The following CEP290 variants were observed in gnomAD, a reference collection of about 807,000 sequenced individuals.
CEP290 encodes centrosomal protein 290.
CEP290 carries 317 observed loss-of-function variants against 344.9 expected under a neutral mutation model. The observed-to-expected ratio is 0.92, with a 90% CI of 0.84 to 1.01. The LOEUF is 1.01. Ranked by LOEUF, CEP290 falls within the 50% of genes least tolerant of loss-of-function variation. The pLI is 0.00. For synonymous variants in CEP290, 932 were observed against 895.8 expected, an observed-to-expected ratio of 1.04 and a Z score of -0.72; for missense variants, 2,754 against 2,761.4, an observed-to-expected ratio of 1.00 and a Z score of 0.06.
rs545417228 is a variant in CEP290 at position 88,086,991 on chromosome 12, G to T, written c.4195-493C>A. Among the ~76,000 whole-genome samples, 9 of 152,250 alleles carry T rather than the reference G, an allele frequency of 5.9e-5. No homozygotes were observed. The South Asian group carries it at 1.9e-3, about 32-fold the overall frequency. Reference sequence around the variant, plus strand: ...AGGATTTACTGTTGTATATTAGGTGGCTGGTGAAGGATACACTGATAAGGT... The same window carrying T: ...AGGATTTACTGTTGTATATTAGGTGTCTGGTGAAGGATACACTGATAAGGT... On this transcript the variant is annotated intron_variant, in intron 32 of 53. Coordinates refer to ENST00000552810, the MANE Select transcript of CEP290 (RefSeq NM_025114.4).
Position 88,096,966 on chromosome 12 carries a change from AC to A in CEP290, c.3024del (p.Glu1008AspfsTer3). ...GTAATCTCCAGTTCTTTATTTATAG[AC>A]TCCACTTGTTCTTTTAAGGAGATGT... ...CENISLKEQV[E>X]SINKELEITK... On this transcript the variant is annotated frameshift_variant, in exon 27 of 54. Transcript: ENST00000552810. LOFTEE classifies it high-confidence loss of function. 6.4e-7 allele frequency: 1 copy of A among 1,569,830 alleles called. No individual in the cohort carries two copies. The highest frequency in any genetic ancestry group is 1.2e-5 in the South Asian group (1 of 84,862).
chr12:88,070,898 T>C (rs2035320748), intron 43 of CEP290, among the ~76,000 whole-genome samples: 1 of 152,028 alleles, frequency 6.6e-6, no homozygotes, highest in Non-Finnish European at 1.5e-5. Context: ...ACTGAACTAA[T>C]GGTACATAGC....
intron 52 of CEP290, chr12:88,051,632 A>G (rs1488788521): frequency 6.6e-6 from 1 of 152,206 alleles, no homozygotes; most frequent in East Asian, 1.9e-4. Flanking sequence ...TTAGGAAATA[A>G]GGAATTTTGA....
chr12:88,124,825 CAG>C (rs1175664295), intron 13 of CEP290, among the ~76,000 whole-genome samples: 1 of 151,940 alleles, frequency 6.6e-6, no homozygotes, highest in African/African-American at 2.4e-5. Flanking sequence ...TAATATGGCT[CAG>C]GGTAAGGAGA....
At chr12:88,073,479 A>G (rs538783245) in intron 41 of CEP290, among the ~76,000 whole-genome samples, 3 of 152,192 alleles carry the variant, frequency 2.0e-5, no homozygotes, top group Non-Finnish European at 2.9e-5. Context: ...CCCCCTATAT[A>G]TTTCATTTAG....
intron 41 of CEP290, among the ~76,000 whole-genome samples, chr12:88,073,989 C>T: frequency 6.6e-6 from 1 of 152,022 alleles, no homozygotes; most frequent in African/African-American, 2.4e-5. Flanking sequence ...CTTTGGGGGG[C>T]CAAGGCGGGC....
chr12:88,065,873 C>T (rs1305542611), intron 44 of CEP290, among the ~76,000 whole-genome samples: 1 of 152,030 alleles, frequency 6.6e-6, no homozygotes, highest in African/African-American at 2.4e-5. Flanking sequence ...TTCTGAAAAA[C>T]AAATTCTAAT....
intron 46 of CEP290, among the ~76,000 whole-genome samples, chr12:88,062,292 C>T (rs1037700139): frequency 1.3e-5 from 2 of 151,710 alleles, no homozygotes; most frequent in Non-Finnish European, 2.9e-5. Flanking sequence ...GAGAAAATTA[C>T]AAGAACACAA....
rs959422278 is a variant in CEP290 at position 88,081,798 on chromosome 12, T to C, written c.5012+1233A>G. Among the ~76,000 whole-genome samples, 117 of 152,326 alleles carry C rather than the reference T, an allele frequency of 7.7e-4. 1 individual carries two copies. The highest frequency in any genetic ancestry group is 2.7e-3 in the African/African-American group (111 of 41,580). On this transcript the variant is annotated intron_variant, in intron 37 of 53. Coordinates refer to ENST00000552810, the MANE Select transcript of CEP290 (RefSeq NM_025114.4). ...TATAAGGTATTTCAAAAGATTATGATTTTCTACACCCACAAATTAGATGCA... is the reference window on the plus strand; with the variant it reads ...TATAAGGTATTTCAAAAGATTATGACTTTCTACACCCACAAATTAGATGCA...
rs1054382745 is a variant in CEP290, at chr12:88,080,194, C to T, written c.5214G>A (p.Glu1738=). 6.3e-7 allele frequency: 1 copy of T among 1,599,280 alleles called. No individual in the cohort carries two copies. Residue 1738 remains glutamate, a synonymous_variant, in exon 38 of 54, where the codon GAG becomes GAA. Coordinates refer to ENST00000552810, the MANE Select transcript of CEP290 (RefSeq NM_025114.4). The part of the protein sequence containing the change: ...ERLKSQLALK[E]KQQKALSRAL... ...TGTTGTTACTTACTTTCTGTTGTTT[C>T]TCCTTCAAGGCTAATTGGCTCTTTA... is the stretch of plus-strand genomic sequence containing the variant.
intron 44 of CEP290, among the ~76,000 whole-genome samples, chr12:88,065,999 G>A (rs2034895394): frequency 6.6e-6 from 1 of 152,116 alleles, no homozygotes; most frequent in Admixed American, 6.5e-5. Flanking sequence ...AATTCTTAGT[G>A]GATAGGAGTT....
chr12:88,081,884 T>C (rs1344605357), intron 37 of CEP290, among the ~76,000 whole-genome samples: 4 of 152,200 alleles, frequency 2.6e-5, no homozygotes, highest in Admixed American at 2.0e-4. Flanking sequence ...AAAAATAACA[T>C]CTCTTGTACA....
chr12:88,139,034 T>A, intron 5 of CEP290, 111 bp downstream of exon 5: 1 of 627,056 alleles, frequency 1.6e-6, no homozygotes, highest in African/African-American at 1.9e-5. Context: ...CAAATAACCA[T>A]GATTACAATC....
At chr12:88,068,412 AT>A (rs2035102801) in intron 44 of CEP290, 109 bp downstream of exon 44, 1 of 666,480 alleles carries the variant, frequency 1.5e-6, no homozygotes, top group East Asian at 3.4e-5. Context: ...CTGTATTACT[AT>A]TAATGAGAAA....
intron 6 of CEP290, among the ~76,000 whole-genome samples, chr12:88,133,064 T>C (rs1235856420): frequency 6.6e-6 from 1 of 151,202 alleles, no homozygotes; most frequent in African/African-American, 2.4e-5. Context: ...GGACATGATC[T>C]TGTTCCGGTT....
At chr12:88,083,820 A>G (rs2036367769) in intron 36 of CEP290, 27 bp downstream of exon 36, 1 of 1,376,730 alleles carries the variant, frequency 7.3e-7, no homozygotes, top group Non-Finnish European at 1.0e-6. Flanking sequence ...ATCAATAAAG[A>G]ATGGAACAAA....
chr12:88,118,827 A>T, intron 15 of CEP290, 84 bp from the exon 16 acceptor site: 1 of 863,152 alleles, frequency 1.2e-6, no homozygotes, highest in East Asian at 2.6e-5. Context: ...GCAACTGGTT[A>T]TAATTCACTT....
intron 26 of CEP290, among the ~76,000 whole-genome samples, chr12:88,102,209 T>TA: frequency 6.6e-6 from 1 of 152,348 alleles, no homozygotes; most frequent in Middle Eastern, 3.4e-3. Flanking sequence ...GTCTGGTCCA[T>TA]ATTCACAGAT....
At chr12:88,132,542 T>G (rs1565919110) in intron 6 of CEP290, among the ~76,000 whole-genome samples, 1 of 152,206 alleles carries the variant, frequency 6.6e-6, no homozygotes, top group Non-Finnish European at 1.5e-5. Context: ...AGCTGAAATA[T>G]TTAAGTGCAA....
Sources: gnomAD v4.1 joint callset for allele counts (sites outside exome capture counted in the v4.1 genomes callset) on GRCh38, gnomAD v4.1.1 for gene constraint, MANE v1.5 for transcripts, NCBI Gene and HGNC (gene_info 2026-07-23, HGNC 2026-07-21) for gene names.